FHOD3: variants seen among roughly 807,000 people sequenced by gnomAD.
FHOD3 encodes FH1/FH2 domain-containing protein 3.
FHOD3 carries 90 observed loss-of-function variants against 173.0 expected under a neutral mutation model. That is an observed-to-expected ratio of 0.52 (90% CI 0.44 to 0.62). FHOD3 has a LOEUF of 0.62. Among genes scored for constraint, FHOD3 ranks in the 20% least tolerant of loss-of-function variants. The pLI, the probability that FHOD3 is intolerant of heterozygous loss-of-function variation, is 0.00. For missense variants in FHOD3, 1,945 were observed against 2,034.7 expected, an observed-to-expected ratio of 0.96 and a Z score of 0.85; for synonymous variants, 828 against 823.0, an observed-to-expected ratio of 1.01 and a Z score of -0.10.
intron 3 of FHOD3, among the ~76,000 whole-genome samples, chr18:36,386,038 A>G (rs1038859125): frequency 3.9e-5 from 6 of 152,260 alleles, no homozygotes; most frequent in African/African-American, 7.2e-5. Flanking sequence ...AAAGTAGTCC[A>G]AATATTCTGT....
At chr18:36,382,916 A>G (rs1301580689) in intron 3 of FHOD3, among the ~76,000 whole-genome samples, 5 of 152,206 alleles carry the variant, frequency 3.3e-5, no homozygotes, top group African/African-American at 9.6e-5. Flanking sequence ...TGTTTGCTCA[A>G]TGTCAAGGCA....
rs185409480 is a variant in FHOD3, at chr18:36,338,325, C to A, written c.166-17214C>A. Among the ~76,000 whole-genome samples, 6 of 152,306 alleles carry A rather than the reference C, an allele frequency of 3.9e-5. No homozygotes were observed. The East Asian group carries it at 1.2e-3, about 29-fold the overall frequency. On this transcript the variant is annotated intron_variant, in intron 1 of 28. Coordinates refer to ENST00000590592, the MANE Select transcript of FHOD3 (RefSeq NM_001281740.3). ...GAATGGAGGGCAGTACTGCTCAGCT[C>A]AGCCTCCCTGGGGCTGCTGTAAAGG...
chr18:36,769,205 CAT>C (rs2043267705), intron 27 of FHOD3, 58 bp from the exon 28 acceptor site: 2 of 1,570,062 alleles, frequency 1.3e-6, no homozygotes, highest in East Asian at 2.2e-5. Flanking sequence ...AATACTGCTG[CAT>C]ATATCTTTTG....
Position 36,779,555 on chromosome 18 carries a change from G to A in FHOD3, c.*25G>A. 1 of 1,609,900 alleles carries A rather than the reference G, an allele frequency of 6.2e-7. No homozygotes were observed. The highest frequency in any genetic ancestry group is 8.5e-7 in the Non-Finnish European group (1 of 1,176,266). ...ACACTCATAGGTTACTCCCAGGAGTGTGCTGAGCAGAAGGCAAGCTCTTGC... is the reference window on the plus strand; with the variant it reads ...ACACTCATAGGTTACTCCCAGGAGTATGCTGAGCAGAAGGCAAGCTCTTGC... On this transcript the variant is annotated 3_prime_UTR_variant, in exon 29 of 29. Transcript: ENST00000590592.
intron 1 of FHOD3, 105 bp downstream of exon 1, chr18:36,298,105 C>A: frequency 1.8e-6 from 2 of 1,098,462 alleles, no homozygotes; most frequent in Non-Finnish European, 2.4e-6. Context: ...CTGGGCTGGG[C>A]GCGGCCCGGG....
In FHOD3 at chr18:36,431,759, C is replaced by T. The variant is rs8087470; in HGVS notation, c.337+59015C>T. Among the ~76,000 whole-genome samples the T allele has an allele frequency of 6.4e-3, 980 of 152,250 alleles. 3 individuals carry two copies. The highest frequency in any genetic ancestry group is 0.022 in the African/African-American group (927 of 41,534). ...ACTATAAAAGGAAACTGTGATATGA[C>T]CATCCTTTAAGTGGGAAGGCCCAAG... On this transcript the variant is annotated intron_variant, in intron 3 of 28. Coordinates refer to ENST00000590592, the MANE Select transcript of FHOD3 (RefSeq NM_001281740.3).
intron 5 of FHOD3, among the ~76,000 whole-genome samples, chr18:36,566,000 C>T (rs2058249904): frequency 6.6e-6 from 1 of 152,192 alleles, no homozygotes; most frequent in South Asian, 2.1e-4. Flanking sequence ...CTAGATAACT[C>T]CCTTAAACGG....
intron 27 of FHOD3, among the ~76,000 whole-genome samples, chr18:36,762,719 CT>C (rs2042932931): frequency 6.6e-6 from 1 of 151,598 alleles, no homozygotes; most frequent in Non-Finnish European, 1.5e-5. Context: ...TTGCTTGAAC[CT>C]TGGAGGTGGA....
At chr18:36,690,772 T>G (rs1266020025) in intron 16 of FHOD3, among the ~76,000 whole-genome samples, 7 of 152,162 alleles carry the variant, frequency 4.6e-5, no homozygotes, top group Admixed American at 4.6e-4. Context: ...GCACATCACA[T>G]GAAATTGACC....
intron 17 of FHOD3, among the ~76,000 whole-genome samples, chr18:36,695,239 C>T (rs193076831): frequency 2.0e-5 from 3 of 151,274 alleles, no homozygotes; most frequent in African/African-American, 7.3e-5. Context: ...GTAATCTCAG[C>T]TACTTAGGAG....
intron 6 of FHOD3, among the ~76,000 whole-genome samples, chr18:36,591,004 G>A (rs1197244149): frequency 6.6e-6 from 1 of 152,134 alleles, no homozygotes; most frequent in Non-Finnish European, 1.5e-5. Flanking sequence ...TCCTGGGGAG[G>A]CATTTAGAGG....
intron 4 of FHOD3, 31 bp from the exon 5 acceptor site, chr18:36,512,407 T>C (rs751313305): frequency 6.6e-7 from 1 of 1,516,020 alleles, no homozygotes. Context: ...AGGGACAGTA[T>C]TTGAAGTATT....
intron 3 of FHOD3, among the ~76,000 whole-genome samples, chr18:36,391,712 G>GGTTGGTCATC: frequency 6.6e-6 from 1 of 152,142 alleles, no homozygotes; most frequent in Non-Finnish European, 1.5e-5. Context: ...TAAAGGGCAT[G>GGTTGGTCATC]GTTGGTCATC....
rs138471844 is a variant in FHOD3, at chr18:36,652,531, T to C, written c.1287-39T>C. On this transcript the variant is annotated intron_variant, in intron 11 of 28. Coordinates refer to ENST00000590592, the MANE Select transcript of FHOD3 (RefSeq NM_001281740.3). ...ACCTTTGCTCCTTCTCTCCCAAATC[T>C]TTTTTTCTTCTTCCTCCTCCTCCCT... 142 of 1,495,048 alleles carry C rather than the reference T, an allele frequency of 9.5e-5. No individual in the cohort carries two copies. The African/African-American group carries it at 1.7e-3, about 18-fold the overall frequency. The allele number at this position is 1,495,048 out of a possible 1,614,324, so 92.6% of individuals were successfully genotyped here.
intron 24 of FHOD3, among the ~76,000 whole-genome samples, chr18:36,750,720 A>G (rs1355436896): frequency 6.6e-6 from 1 of 152,248 alleles, no homozygotes; most frequent in African/African-American, 2.4e-5. Context: ...CAGTTATCCC[A>G]GCACCATTTA....
At chr18:36,302,202 A>G (rs906541500) in intron 1 of FHOD3, among the ~76,000 whole-genome samples, 1 of 151,956 alleles carries the variant, frequency 6.6e-6, no homozygotes, top group Non-Finnish European at 1.5e-5. Context: ...GCATCCTCTC[A>G]TTGGATTAGC....
chr18:36,372,692 G>A lies in FHOD3; in HGVS notation c.285G>A (p.Lys95=), dbSNP rs2047252264. 6.2e-7 allele frequency: 1 copy of A among 1,613,968 alleles called. No individual in the cohort carries two copies. The highest frequency in any genetic ancestry group is 8.5e-7 in the Non-Finnish European group (1 of 1,179,940). The change falls in exon 3 of 29, where the codon AAG becomes AAA. Residue 95 remains lysine, a synonymous_variant. Coordinates refer to ENST00000590592, the MANE Select transcript of FHOD3 (RefSeq NM_001281740.3). ...GFQDDAGRGK[K]HSIILRTQLS... ...CCTGTCTCGTTAGGCGGGGCAAGAA[G>A]CACAGCATCATCCTAAGGACGCAGC...
intron 9 of FHOD3, among the ~76,000 whole-genome samples, chr18:36,618,744 C>T (rs1160667208): frequency 1.3e-5 from 2 of 152,182 alleles, no homozygotes; most frequent in Non-Finnish European, 2.9e-5. Context: ...TCCCTGCCAC[C>T]TCCCCTTCCT....
At chr18:36,592,549 C>T (rs1029571485) in intron 6 of FHOD3, among the ~76,000 whole-genome samples, 30 of 152,318 alleles carry the variant, frequency 2.0e-4, no homozygotes, top group African/African-American at 7.2e-4. Flanking sequence ...AGGCAGCACC[C>T]TGAGCATGAT....
Sources: allele counts gnomAD v4.1 joint callset (sites outside exome capture counted in the v4.1 genomes callset), GRCh38; gene constraint gnomAD v4.1.1; transcripts MANE v1.5; gene names NCBI Gene and HGNC (gene_info 2026-07-23, HGNC 2026-07-21).